The following TTLL5 variants were observed in gnomAD, a reference collection of about 807,000 sequenced individuals.
TTLL5 encodes the protein tubulin tyrosine ligase like 5, also known as tubulin polyglutamylase TTLL5.
A neutral mutation model predicts 168.4 loss-of-function variants in TTLL5; 132 were observed. The observed-to-expected ratio is 0.78, with a 90% CI of 0.68 to 0.91. TTLL5 has a LOEUF of 0.91. Among genes scored for constraint, TTLL5 ranks in the 40% least tolerant of loss-of-function variants. TTLL5 has a pLI of 0.00. For synonymous variants in TTLL5, 546 were observed against 558.6 expected (o/e 0.98, Z 0.32); for missense variants, 1,545 against 1,581.5 (o/e 0.98, Z 0.39).
intron 31 of TTLL5, among the ~76,000 whole-genome samples, chr14:75,952,180 C>T (rs568966755): frequency 2.6e-5 from 4 of 152,272 alleles, no homozygotes; most frequent in Non-Finnish European, 5.9e-5. Context: ...GCATATAAAA[C>T]GATCCTCAAT....
chr14:75,678,325 A>C (rs928788650), intron 3 of TTLL5, among the ~76,000 whole-genome samples: 2 of 152,180 alleles, frequency 1.3e-5, no homozygotes, highest in Non-Finnish European at 2.9e-5. Context: ...GAATTAGTAA[A>C]ATATTGCATG....
At chr14:75,751,409 G>A (rs2140272161) in intron 17 of TTLL5, among the ~76,000 whole-genome samples, 1 of 152,230 alleles carries the variant, frequency 6.6e-6, no homozygotes, top group East Asian at 1.9e-4. Flanking sequence ...ATCTTTTGGG[G>A]CCATTATTAA....
chr14:75,935,605 AT>A (rs1470792053), intron 31 of TTLL5, among the ~76,000 whole-genome samples: 1 of 152,230 alleles, frequency 6.6e-6, no homozygotes, highest in Non-Finnish European at 1.5e-5. Flanking sequence ...ATTTCTATGG[AT>A]TACCTAAAGA....
chr14:75,736,577 C>G (rs1888922914), intron 15 of TTLL5, among the ~76,000 whole-genome samples: 1 of 152,150 alleles, frequency 6.6e-6, no homozygotes. Context: ...TAATTACTAT[C>G]AGGCATAAGT....
At chr14:75,805,336 G>C (rs1595069918) in intron 27 of TTLL5, among the ~76,000 whole-genome samples, 2 of 152,308 alleles carry the variant, frequency 1.3e-5, no homozygotes, top group Admixed American at 1.3e-4. Flanking sequence ...AGAGCCACTG[G>C]CATATAGATC....
At chr14:75,670,359 T>C (rs984348819) in intron 3 of TTLL5, among the ~76,000 whole-genome samples, 1 of 152,214 alleles carries the variant, frequency 6.6e-6, no homozygotes, top group Non-Finnish European at 1.5e-5. Context: ...CCACCTTTTG[T>C]CTGTTGTGAA....
In TTLL5 at chr14:75,930,681, G is replaced by C. The variant is rs1393732962; in HGVS notation, c.3824-23743G>C. 3.1e-6 allele frequency: 3 copies of C among 978,190 alleles called. No homozygotes were observed. In the African/African-American group the frequency reaches 5.3e-5, roughly 17 times the overall value. 60.6% of individuals were successfully genotyped at this position (978,190 alleles called of 1,614,324 possible). On this transcript the variant is annotated intron_variant, in intron 31 of 31. Transcript: ENST00000298832. ...GGGGGGAAATGCAAAAATAGGATTA[G>C]GCAAAGAAAGCACTTTTATGGTTCT...
rs1461607432 is a variant in TTLL5 at position 75,763,255 on chromosome 14, C to CTCTGTGTG, written c.1551-1359_1551-1358insCTGTGTGT. Among the ~76,000 whole-genome samples, 4 of 58,594 alleles carry CTCTGTGTG rather than the reference C, an allele frequency of 6.8e-5. No individual in the cohort carries two copies. In the Admixed American group the frequency reaches 8.0e-4, roughly 12 times the overall value. 38.4% of individuals were successfully genotyped at this position (58,594 alleles called of 152,430 possible). A position where few individuals can be genotyped will look rare whatever the true frequency, so the allele number is the denominator to read the frequency against. ...AAAGTTTATTTCTATAGCTCTCTCTCTGTGTGTGTGTGTGTGTGTGTGTGT... is the reference window on the plus strand; with the variant it reads ...AAAGTTTATTTCTATAGCTCTCTCTCTCTGTGTGTGTGTGTGTGTGTGTGTGTGTGTGT... On this transcript the variant is annotated intron_variant, in intron 18 of 31. Coordinates refer to ENST00000298832, the MANE Select transcript of TTLL5 (RefSeq NM_015072.5).
At chr14:75,808,902 G>C (rs1263989713) in intron 27 of TTLL5, among the ~76,000 whole-genome samples, 1 of 151,574 alleles carries the variant, frequency 6.6e-6, no homozygotes, top group East Asian at 1.9e-4. Flanking sequence ...CTGGATTATA[G>C]GTGTGTGCCA....
intron 2 of TTLL5, among the ~76,000 whole-genome samples, chr14:75,664,084 CAA>C (rs879651998): frequency 1.9e-4 from 18 of 94,424 alleles, no homozygotes; most frequent in Non-Finnish European, 2.3e-4. Flanking sequence ...ACCTCCATCT[CAA>C]AAAAAAAAAA....
At chr14:75,732,210 A>T in intron 12 of TTLL5, 128 bp from the exon 13 acceptor site, 1 of 625,440 alleles carries the variant, frequency 1.6e-6, no homozygotes, top group Non-Finnish European at 2.7e-6. Context: ...CTCTGCTTCT[A>T]CTTCCACTTG....
At chr14:75,816,994 T>TA (rs1894460720) in intron 27 of TTLL5, among the ~76,000 whole-genome samples, 1 of 148,188 alleles carries the variant, frequency 6.7e-6, no homozygotes, top group African/African-American at 2.5e-5. Context: ...TTTTTTTTTT[T>TA]TTTTGAGACA....
rs150120465 is a variant in TTLL5, at chr14:75,899,103, A to G, written c.3741-3039A>G. 1.1e-4 allele frequency among the ~76,000 whole-genome samples: 16 copies of G among 152,354 alleles called. No individual in the cohort carries two copies. The East Asian group carries it at 3.1e-3, about 29-fold the overall frequency. ...ACAATACTACTACTAGTAATAGTTC[A>G]TGTATATTTAGTCCATAATATAACA... On this transcript the variant is annotated intron_variant, in intron 30 of 31. Coordinates refer to ENST00000298832, the MANE Select transcript of TTLL5 (RefSeq NM_015072.5).
chr14:75,894,988 C>T (rs2140065553), intron 30 of TTLL5, among the ~76,000 whole-genome samples: 1 of 152,286 alleles, frequency 6.6e-6, no homozygotes, highest in Non-Finnish European at 1.5e-5. Flanking sequence ...TTTGAATATA[C>T]TTCTGTCAGT....
At chr14:75,827,459 A>G (rs76044320) in intron 28 of TTLL5, among the ~76,000 whole-genome samples, 2,794 of 152,256 alleles carry the variant, frequency 0.018, 88 homozygotes, top group African/African-American at 0.061. Flanking sequence ...TAGGGAGCCA[A>G]CTGTTCTTTG....
At chr14:75,801,506 G>C (rs1273575866) in intron 27 of TTLL5, among the ~76,000 whole-genome samples, 1 of 151,992 alleles carries the variant, frequency 6.6e-6, no homozygotes, top group South Asian at 2.1e-4. Flanking sequence ...TAAAATGTAC[G>C]ATAAATTATT....
In TTLL5 at chr14:75,766,086, A is replaced by G. The variant is rs1179379927; in HGVS notation, c.1733A>G (p.Asn578Ser). The change falls in exon 20 of 32, where the codon AAT (asparagine) becomes AGT (serine). Residue 578 changes from asparagine to serine, a missense_variant. By Grantham distance (46) the Asn-to-Ser change is conservative. Coordinates refer to ENST00000298832, the MANE Select transcript of TTLL5 (RefSeq NM_015072.5). ...GTGATTACCCAACCAGCTGAAATGA[A>G]TGTTAAAACTGAGACAGAGAGTGAA... ...YPVITQPAEM[N>S]VKTETESEEE... 2.2e-5 allele frequency: 35 copies of G among 1,612,664 alleles called. No individual in the cohort carries two copies. The highest frequency in any genetic ancestry group is 2.6e-5 in the Non-Finnish European group (31 of 1,179,564).
intron 9 of TTLL5, among the ~76,000 whole-genome samples, chr14:75,713,587 G>A (rs1887241023): frequency 6.6e-6 from 1 of 152,170 alleles, no homozygotes; most frequent in South Asian, 2.1e-4. Flanking sequence ...AAATGGTGTT[G>A]AAACTTCAGA....
intron 21 of TTLL5, among the ~76,000 whole-genome samples, chr14:75,774,322 T>C (rs891980753): frequency 6.6e-6 from 1 of 152,202 alleles, no homozygotes; most frequent in Non-Finnish European, 1.5e-5. Flanking sequence ...ATGTATTCTT[T>C]CTTTACCTTA....
Sources: allele counts gnomAD v4.1 joint callset (sites outside exome capture counted in the v4.1 genomes callset), GRCh38; gene constraint gnomAD v4.1.1; transcripts MANE v1.5; gene names NCBI Gene and HGNC (gene_info 2026-07-23, HGNC 2026-07-21).